Variants in KCNT2 observed in about 807,000 individuals in gnomAD.
KCNT2 encodes potassium channel subfamily T member 2.
KCNT2 carries 67 observed loss-of-function variants against 153.8 expected under a neutral mutation model. The observed-to-expected ratio is 0.44, with a 90% CI of 0.36 to 0.53. The LOEUF (loss-of-function observed/expected upper bound fraction) is 0.53, where lower values mean the gene tolerates loss of function less well. Ranked by LOEUF, KCNT2 falls within the 20% of genes least tolerant of loss-of-function variation. The probability of loss-of-function intolerance (pLI) is 0.00; values close to 1 mark genes in which losing one functional copy is unlikely to be tolerated. For synonymous variants in KCNT2, 500 were observed against 458.8 expected, an observed-to-expected ratio of 1.09 and a Z score of -1.15; for missense variants, 975 against 1,354.8, an observed-to-expected ratio of 0.72 and a Z score of 4.40.
chr1:196,368,213 G>T (rs1668203153), intron 14 of KCNT2, among the ~76,000 whole-genome samples: 1 of 152,070 alleles, frequency 6.6e-6, no homozygotes, highest in Non-Finnish European at 1.5e-5. Context: ...ATCACCACTT[G>T]CCTCACCCAT....
At chr1:196,464,331 T>G (rs1207017152) in intron 8 of KCNT2, among the ~76,000 whole-genome samples, 3 of 151,912 alleles carry the variant, frequency 2.0e-5, no homozygotes, top group African/African-American at 7.2e-5. Context: ...GCATTAAGTA[T>G]GCTAAAATAG....
intron 26 of KCNT2, among the ~76,000 whole-genome samples, chr1:196,243,620 C>G (rs936926717): frequency 1.3e-5 from 2 of 152,134 alleles, no homozygotes; most frequent in Non-Finnish European, 2.9e-5. Flanking sequence ...CAGAACTCAG[C>G]CAGTGCCCAC....
intron 1 of KCNT2, among the ~76,000 whole-genome samples, chr1:196,575,745 A>G (rs1382665863): frequency 4.6e-5 from 7 of 151,922 alleles, no homozygotes; most frequent in Non-Finnish European, 1.0e-4. Flanking sequence ...TGGGAGGCTA[A>G]GGCTGGCGGA....
chr1:196,327,919 G>A (rs947599692), intron 18 of KCNT2, among the ~76,000 whole-genome samples: 12 of 151,788 alleles, frequency 7.9e-5, no homozygotes, highest in Non-Finnish European at 1.6e-4. Flanking sequence ...TTACAGGCAC[G>A]AGCCACCATG....
intron 1 of KCNT2, among the ~76,000 whole-genome samples, chr1:196,554,488 A>G (rs1253422165): frequency 6.6e-6 from 1 of 151,090 alleles, no homozygotes; most frequent in African/African-American, 2.4e-5. Context: ...ACCAATAACA[A>G]GAAATAATAT....
chr1:196,600,224 A>G (rs1274525026), intron 1 of KCNT2, among the ~76,000 whole-genome samples: 2 of 152,160 alleles, frequency 1.3e-5, no homozygotes, highest in Non-Finnish European at 2.9e-5. Flanking sequence ...TTTTCTATTC[A>G]TCTGCTGCAA....
intron 25 of KCNT2, among the ~76,000 whole-genome samples, chr1:196,273,778 C>A (rs1344620766): frequency 6.6e-6 from 1 of 151,724 alleles, no homozygotes; most frequent in Non-Finnish European, 1.5e-5. Context: ...GGTTATTCCA[C>A]TATGCACATT....
chr1:196,508,011 A>C (rs573703458), intron 1 of KCNT2, among the ~76,000 whole-genome samples: 3 of 152,020 alleles, frequency 2.0e-5, no homozygotes, highest in African/African-American at 7.2e-5. Context: ...GCAGTAATTA[A>C]GGCATTATGG....
At chr1:196,528,061 C>A (rs757891359) in intron 1 of KCNT2, among the ~76,000 whole-genome samples, 1 of 152,206 alleles carries the variant, frequency 6.6e-6, no homozygotes, top group Non-Finnish European at 1.5e-5. Context: ...AGAACAATGA[C>A]CCATGTCTAT....
At chr1:196,459,071 G>A (rs192921274) in intron 8 of KCNT2, among the ~76,000 whole-genome samples, 10 of 151,646 alleles carry the variant, frequency 6.6e-5, no homozygotes, top group Non-Finnish European at 1.5e-4. Context: ...TGAAACATAC[G>A]ATCATTTGAG....
chr1:196,469,531 C>T (rs1677908783), intron 5 of KCNT2, among the ~76,000 whole-genome samples: 2 of 152,062 alleles, frequency 1.3e-5, no homozygotes, highest in Non-Finnish European at 2.9e-5. Context: ...AAAGAAAGGA[C>T]TTTTTCAATC....
chr1:196,358,032 C>A (rs937458041), intron 14 of KCNT2, among the ~76,000 whole-genome samples: 10 of 151,746 alleles, frequency 6.6e-5, no homozygotes, highest in Non-Finnish European at 1.0e-4. Context: ...GAGACCCTAA[C>A]AATTTACAGG....
At chr1:196,547,443 T>A (rs983824185) in intron 1 of KCNT2, among the ~76,000 whole-genome samples, 1 of 152,042 alleles carries the variant, frequency 6.6e-6, no homozygotes, top group Non-Finnish European at 1.5e-5. Context: ...AGTTGAAACA[T>A]TTAATTTCAC....
rs546919274 is a variant in KCNT2, at chr1:196,495,231, TTAGGCTTACTGGTTACAGTATA to T, written c.96-2912_96-2891del. Among the ~76,000 whole-genome samples the T allele has an allele frequency of 3.0e-3, 460 of 152,234 alleles. 3 individuals carry two copies. The highest frequency in any genetic ancestry group is 0.01 in the African/African-American group (434 of 41,538). On this transcript the variant is annotated intron_variant, in intron 1 of 27. Coordinates refer to ENST00000294725, the MANE Select transcript of KCNT2 (RefSeq NM_198503.5). Reference sequence around the variant, plus strand: ...TTATACTGGGCACAGAAAATGTCCTTTAGGCTTACTGGTTACAGTATAAAGTAGAGCTTTTTTTTTTTTAATT... The same window carrying T: ...TTATACTGGGCACAGAAAATGTCCTTAAGTAGAGCTTTTTTTTTTTTAATT...
intron 8 of KCNT2, among the ~76,000 whole-genome samples, chr1:196,434,187 CA>C (rs1230792288): frequency 1.3e-5 from 2 of 151,906 alleles, no homozygotes; most frequent in African/African-American, 4.8e-5. Flanking sequence ...AATTGTATAA[CA>C]CTTCTGTGAA....
At chr1:196,511,164 T>C (rs1184395580) in intron 1 of KCNT2, among the ~76,000 whole-genome samples, 3 of 148,580 alleles carry the variant, frequency 2.0e-5, no homozygotes, top group African/African-American at 7.5e-5. Context: ...CACAACTTTT[T>C]AAAACATGCA....
chr1:196,467,460 A>T (rs1202884138), intron 7 of KCNT2, among the ~76,000 whole-genome samples: 1 of 152,140 alleles, frequency 6.6e-6, no homozygotes, highest in South Asian at 2.1e-4. Context: ...CATTAAAAAA[A>T]CATTTAAATG....
intron 3 of KCNT2, among the ~76,000 whole-genome samples, 165 bp downstream of exon 3, chr1:196,489,673 C>G (rs952349597): frequency 1.3e-5 from 2 of 151,838 alleles, no homozygotes; most frequent in African/African-American, 4.8e-5. Flanking sequence ...TACAAAGAAC[C>G]TACAAGAATT....
intron 14 of KCNT2, among the ~76,000 whole-genome samples, chr1:196,346,383 T>C (rs771540678): frequency 5.9e-5 from 9 of 152,156 alleles, no homozygotes; most frequent in Non-Finnish European, 8.8e-5. Context: ...AGTTACTCAA[T>C]GTATTGAATA....
Sources: allele counts gnomAD v4.1 joint callset (sites outside exome capture counted in the v4.1 genomes callset), GRCh38; gene constraint gnomAD v4.1.1; transcripts MANE v1.5; gene names NCBI Gene and HGNC (gene_info 2026-07-23, HGNC 2026-07-21).